Variants in NRG1 observed in about 807,000 individuals in gnomAD.
NRG1 encodes pro-neuregulin-1, membrane-bound isoform.
A neutral mutation model predicts 63.8 loss-of-function variants in NRG1; 18 were observed. The ratio of observed to expected loss-of-function variants is 0.28; its 90% CI spans 0.19 to 0.42. NRG1 has a LOEUF of 0.42. Ranked by LOEUF, NRG1 falls within the 10% of genes least tolerant of loss-of-function variation. The pLI is 1.00. For synonymous variants in NRG1, 302 were observed against 301.3 expected (o/e 1.00, Z -0.02); for missense variants, 762 against 814.7 (o/e 0.94, Z 0.79).
chr8:31,762,273 C>G (rs992464949), intron 1 of NRG1, among the ~76,000 whole-genome samples: 1 of 152,206 alleles, frequency 6.6e-6, no homozygotes, highest in African/African-American at 2.4e-5. Flanking sequence ...TCAACTCCCA[C>G]TTACGTGTGA....
chr8:32,386,121 A>G (rs532703616), intron 1 of NRG1, among the ~76,000 whole-genome samples: 1 of 152,262 alleles, frequency 6.6e-6, no homozygotes, highest in South Asian at 2.1e-4. Context: ...ATTTATTTAG[A>G]GACAGAGTCT....
At chr8:32,213,549 AC>A (rs1389526081) in intron 1 of NRG1, among the ~76,000 whole-genome samples, 1 of 152,084 alleles carries the variant, frequency 6.6e-6, no homozygotes, top group African/African-American at 2.4e-5. Context: ...GCAGCAAACC[AC>A]CATGGCACAT....
rs1052118525 is a variant in NRG1 at position 31,928,921 on chromosome 8, T to A, written c.37+289490T>A. 4.6e-5 allele frequency among the ~76,000 whole-genome samples: 7 copies of A among 152,278 alleles called. No homozygotes were observed. In the East Asian group the frequency reaches 7.7e-4, roughly 17 times the overall value. On this transcript the variant is annotated intron_variant, in intron 1 of 10. Coordinates refer to the NRG1 transcript ENST00000519301. ...AGAAATAACTATGCATTGGGTACAA[T>A]GTACACTACTTGGGTAATAGGTACA...
intron 1 of NRG1, chr8:32,441,159 TAAGAG>T (rs1819482807): frequency 6.6e-6 from 1 of 152,170 alleles, no homozygotes. Context: ...GCTCAGAGAT[TAAGAG>T]AATAGTTATA....
intron 1 of NRG1, among the ~76,000 whole-genome samples, chr8:31,683,863 G>A (rs9297177): frequency 0.017 from 2,628 of 152,084 alleles, 94 homozygotes; most frequent in African/African-American, 0.058. Context: ...CTGCTCTAAA[G>A]TATAAAGTTT....
rs1819496466 is a variant in NRG1 at position 32,717,320 on chromosome 8, G to C, written c.503-10629G>C. Among the ~76,000 whole-genome samples the C allele has an allele frequency of 1.3e-5, 2 of 152,108 alleles. 1 individual carries two copies. Among genetic ancestry groups the C allele is most frequent in the Non-Finnish European group, 2.9e-5 (2 of 68,030 alleles). On this transcript the variant is annotated intron_variant, in intron 5 of 11. Transcript: ENST00000356819. ...TTTTTTTGAAACTGGTTTTATTCCT[G>C]TTCAGATTGGTCATGAGTGAAATGA... is the stretch of plus-strand genomic sequence containing the variant.
intron 1 of NRG1, among the ~76,000 whole-genome samples, chr8:31,903,424 C>T (rs1832261250): frequency 6.6e-6 from 1 of 151,550 alleles, no homozygotes; most frequent in Admixed American, 6.6e-5. Context: ...GTTGGGATTA[C>T]AGACGTGAGC....
At position 32,337,682 on chromosome 8, in the gene NRG1, A is replaced by AAAAAAAAAAAAAAAAT. The variant is rs1554511693; in HGVS notation, c.38-258146_38-258145insAAAAAAAAAAAAAAAT. ...AAAAAAAAAAAAAAAAAAAAAAAAA[A>AAAAAAAAAAAAAAAAT]GCTGATGCAGTTAGGAAAGGGAAGC... On this transcript the variant is annotated intron_variant, in intron 1 of 10. Coordinates refer to the NRG1 transcript ENST00000519301. Among the ~76,000 whole-genome samples the AAAAAAAAAAAAAAAAT allele has an allele frequency of 2.8e-3, 322 of 116,668 alleles. 16 individuals are homozygous for AAAAAAAAAAAAAAAAT. The highest frequency in any genetic ancestry group is 4.9e-3 in the Non-Finnish European group (256 of 52,570). 76.5% of individuals were successfully genotyped at this position (116,668 alleles called of 152,430 possible). A position where few individuals can be genotyped will look rare whatever the true frequency, so the allele number is the denominator to read the frequency against.
intron 6 of NRG1, 70 bp downstream of exon 6, chr8:32,728,148 A>G (rs570248200): frequency 1.3e-6 from 2 of 1,584,668 alleles, no homozygotes; most frequent in East Asian, 2.3e-5. Context: ...ATGTCTCATG[A>G]TGTATTGTTG....
intron 1 of NRG1, among the ~76,000 whole-genome samples, chr8:32,331,365 C>CAAAA (rs35510271): frequency 0.026 from 3,009 of 115,438 alleles, 233 homozygotes; most frequent in African/African-American, 0.083. Context: ...ACAAAAAATA[C>CAAAA]AAAAAAAAAA....
At chr8:31,901,479 T>C (rs117653665) in intron 1 of NRG1, among the ~76,000 whole-genome samples, 27 of 152,330 alleles carry the variant, frequency 1.8e-4, no homozygotes, top group Non-Finnish European at 3.8e-4. Context: ...TTCATTCCTG[T>C]GTTTGAAGCA....
intron 1 of NRG1, among the ~76,000 whole-genome samples, chr8:31,957,407 C>G: frequency 6.6e-6 from 1 of 152,058 alleles, no homozygotes; most frequent in African/African-American, 2.4e-5. Flanking sequence ...CTCTTTCTTT[C>G]TATTTTTAAG....
intron 1 of NRG1, among the ~76,000 whole-genome samples, chr8:32,591,248 G>A (rs1388107091): frequency 1.3e-5 from 2 of 152,136 alleles, no homozygotes. Context: ...GACTTCTAGG[G>A]ATGCAAAGTT....
chr8:32,130,832 T>C (rs2131626229), intron 1 of NRG1, among the ~76,000 whole-genome samples: 2 of 152,042 alleles, frequency 1.3e-5, no homozygotes, highest in South Asian at 4.1e-4. Context: ...ACTTTTAGCT[T>C]TAGGAGTGCA....
At chr8:31,688,729 TG>T (rs1395087521) in intron 1 of NRG1, among the ~76,000 whole-genome samples, 9 of 152,170 alleles carry the variant, frequency 5.9e-5, no homozygotes, top group Non-Finnish European at 7.4e-5. Context: ...AAGACTGGGT[TG>T]GGGGTAAACA....
intron 1 of NRG1, among the ~76,000 whole-genome samples, chr8:31,681,971 C>A (rs1036862971): frequency 7.9e-5 from 12 of 152,066 alleles, no homozygotes; most frequent in Non-Finnish European, 1.8e-4. Flanking sequence ...ACCCAAAGTC[C>A]ATAGTTTACA....
At chr8:32,470,615 T>G (rs1184219034) in intron 1 of NRG1, among the ~76,000 whole-genome samples, 1 of 152,194 alleles carries the variant, frequency 6.6e-6, no homozygotes, top group Non-Finnish European at 1.5e-5. Context: ...AAACTAGAAT[T>G]ACTTTGGGAT....
chr8:32,642,595 T>C (rs1391986723), intron 5 of NRG1, among the ~76,000 whole-genome samples: 1 of 152,210 alleles, frequency 6.6e-6, no homozygotes, highest in Non-Finnish European at 1.5e-5. Context: ...AGCTTTCTTG[T>C]GAAAATTATG....
At chr8:32,772,586 G>A (rs1831887442), downstream of NRG1, among the ~76,000 whole-genome samples, 1 of 152,068 alleles carries the variant, frequency 6.6e-6, no homozygotes, top group Non-Finnish European at 1.5e-5. Flanking sequence ...GCTAATACTT[G>A]TCTTCTGGTC....
Sources: allele counts gnomAD v4.1 joint callset (sites outside exome capture counted in the v4.1 genomes callset), GRCh38; gene constraint gnomAD v4.1.1; transcripts MANE v1.5; gene names NCBI Gene and HGNC (gene_info 2026-07-23, HGNC 2026-07-21).